Variants in SVEP1 observed in about 807,000 individuals in gnomAD.
SVEP1 encodes the protein sushi, von Willebrand factor type A, EGF and pentraxin domain-containing protein 1.
A neutral mutation model predicts 367.3 loss-of-function variants in SVEP1; 164 were observed. The observed-to-expected ratio is 0.45, with a 90% CI of 0.39 to 0.51. The LOEUF (loss-of-function observed/expected upper bound fraction) is 0.51, where lower values mean the gene tolerates loss of function less well. Ranked by LOEUF, SVEP1 falls within the 20% of genes least tolerant of loss-of-function variation. The probability of loss-of-function intolerance (pLI) is 0.00; values close to 1 mark genes in which losing one functional copy is unlikely to be tolerated. For synonymous variants in SVEP1, 1,666 were observed against 1,611.6 expected, an observed-to-expected ratio of 1.03 and a Z score of -0.81; for missense variants, 4,117 against 4,425.3, an observed-to-expected ratio of 0.93 and a Z score of 1.98.
At chr9:110,478,927 CTT>C (rs113223424) in intron 13 of SVEP1, among the ~76,000 whole-genome samples, 2 of 103,804 alleles carry the variant, frequency 1.9e-5, no homozygotes, top group Non-Finnish European at 2.1e-5. Flanking sequence ...CTTTCTTCTT[CTT>C]TTTTTTTTTA....
At chr9:110,471,301 C>A in intron 16 of SVEP1, 63 bp downstream of exon 16, 1 of 1,336,458 alleles carries the variant, frequency 7.5e-7, no homozygotes, top group Admixed American at 2.0e-5. Context: ...TGTAAAATGG[C>A]TACACCCATC....
intron 1 of SVEP1, among the ~76,000 whole-genome samples, chr9:110,572,332 T>C (rs942348914): frequency 5.3e-5 from 8 of 152,240 alleles, no homozygotes; most frequent in Non-Finnish European, 1.0e-4. Flanking sequence ...TCCATGTGTC[T>C]AAGCATTCAC....
At chr9:110,377,161 C>T (rs568158906) in intron 45 of SVEP1, 110 bp downstream of exon 45, 3 of 929,308 alleles carry the variant, frequency 3.2e-6, no homozygotes, top group Admixed American at 2.3e-5. Context: ...CAAGGACTTA[C>T]AGCAAATGAA....
At chr9:110,545,170 A>G (rs1335518110) in intron 3 of SVEP1, among the ~76,000 whole-genome samples, 1 of 152,190 alleles carries the variant, frequency 6.6e-6, no homozygotes, top group East Asian at 1.9e-4. Flanking sequence ...CTTCCATTGA[A>G]TAGACCCTGA....
chr9:110,524,066 C>T (rs1330144085), intron 3 of SVEP1, among the ~76,000 whole-genome samples: 1 of 151,948 alleles, frequency 6.6e-6, no homozygotes, highest in Non-Finnish European at 1.5e-5. Context: ...TGAAACAGAC[C>T]AATTCATCAA....
intron 41 of SVEP1, among the ~76,000 whole-genome samples, 187 bp downstream of exon 41, chr9:110,389,337 A>T (rs1827587183): frequency 6.6e-6 from 1 of 152,178 alleles, no homozygotes; most frequent in Admixed American, 6.5e-5. Context: ...GTTAATCCCT[A>T]CTACAGTTTT....
At chr9:110,438,002 G>GT (rs1471874758) in intron 27 of SVEP1, among the ~76,000 whole-genome samples, 10 of 151,860 alleles carry the variant, frequency 6.6e-5, no homozygotes, top group African/African-American at 1.9e-4. Context: ...TTATTTAATA[G>GT]TTTTTTGTAT....
At chr9:110,437,466 GCTAC>G (rs1828447757) in intron 27 of SVEP1, among the ~76,000 whole-genome samples, 2 of 152,068 alleles carry the variant, frequency 1.3e-5, no homozygotes, top group African/African-American at 4.8e-5. Flanking sequence ...CTTTAGTGAT[GCTAC>G]CTGTTTCCTG....
At position 110,579,346 on chromosome 9, in the gene SVEP1, C is replaced by G. The variant is rs967084758; in HGVS notation, c.198G>C (p.Gln66His). The part of the protein sequence containing the change: ...AAGSRVERLG[Q>H]AFRRRVRLLR... ...GCAGCCGCACGCGTCGCCGGAACGCCTGGCCCAGCCGCTCCACTCTGCTCC... is the reference window on the plus strand; with the variant it reads ...GCAGCCGCACGCGTCGCCGGAACGCGTGGCCCAGCCGCTCCACTCTGCTCC... The change falls in exon 1 of 48, where the codon CAG becomes CAC. Residue 66 changes from glutamine to histidine, a missense_variant. Around this residue, in one of 4 missense-constraint regions of SVEP1, gnomAD observed 161 missense variants for 122.4 expected, o/e 1.32. Transcript: ENST00000374469. This position sits in a 1 kb window ranked among gnomAD's most constrained non-coding sequence, Gnocchi z 5.3. 5 of 1,554,146 alleles carry G rather than the reference C, an allele frequency of 3.2e-6. No individual in the cohort carries two copies. The Admixed American group carries it at 5.8e-5, about 18-fold the overall frequency.
At position 110,483,658 on chromosome 9, in the gene SVEP1, G is replaced by A. The variant is rs1314522016; in HGVS notation, c.1966C>T (p.Pro656Ser). The A allele has an allele frequency of 2.5e-6, 4 of 1,611,548 alleles. No individual in the cohort carries two copies. In the South Asian group the frequency reaches 3.3e-5, roughly 13 times the overall value. ...TTCTCCGAGACCTGGACGGGAGGTG[G>A]AGATCTGCACCAGTCTATGACAGGT... The part of the protein sequence containing the change: ...EPPVIDWCRS[P>S]PPVQVSEKVH... The change falls in exon 10 of 48, where the codon CCA (proline) becomes TCA (serine). Residue 656 changes from proline to serine, a missense_variant. Coordinates refer to ENST00000374469, the MANE Select transcript of SVEP1 (RefSeq NM_153366.4).
intron 39 of SVEP1, among the ~76,000 whole-genome samples, chr9:110,403,563 A>G (rs943380115): frequency 6.6e-6 from 1 of 151,926 alleles, no homozygotes; most frequent in Non-Finnish European, 1.5e-5. Context: ...TCGGCCTCCC[A>G]AAGTGCTGGG....
chr9:110,576,289 C>A (rs1830626451), intron 1 of SVEP1, among the ~76,000 whole-genome samples: 1 of 151,780 alleles, frequency 6.6e-6, no homozygotes, highest in African/African-American at 2.4e-5. Context: ...AAAACTGTGA[C>A]CCTGAAAAAT....
At chr9:110,381,182 G>C (rs1827429832) in intron 43 of SVEP1, among the ~76,000 whole-genome samples, 2 of 151,764 alleles carry the variant, frequency 1.3e-5, no homozygotes, top group South Asian at 2.1e-4. Context: ...TGTTTTGAAG[G>C]GCTTTTTGTG....
At chr9:110,486,598 C>T (rs1829280752) in intron 9 of SVEP1, among the ~76,000 whole-genome samples, 1 of 151,520 alleles carries the variant, frequency 6.6e-6, no homozygotes, top group Admixed American at 6.6e-5. Flanking sequence ...CTTCTCCTTC[C>T]TTCTTTCTCT....
intron 43 of SVEP1, among the ~76,000 whole-genome samples, chr9:110,385,245 T>C (rs1007505765): frequency 6.6e-6 from 1 of 152,126 alleles, no homozygotes; most frequent in African/African-American, 2.4e-5. Context: ...CCTCCCACAG[T>C]GCTGGGATTA....
intron 3 of SVEP1, among the ~76,000 whole-genome samples, chr9:110,528,260 G>C (rs1588093945): frequency 1.4e-5 from 2 of 147,604 alleles, no homozygotes; most frequent in Non-Finnish European, 3.0e-5. Flanking sequence ...ATTGTGAATT[G>C]TGCTATGATA....
At chr9:110,443,251 A>C (rs2118589199) in intron 27 of SVEP1, 1 of 277,612 alleles carries the variant, frequency 3.6e-6, no homozygotes, top group East Asian at 6.4e-5. Context: ...AAAAAATACC[A>C]GTAATTAATC....
rs116857541 is a variant in SVEP1 at position 110,544,346 on chromosome 9, T to A, written c.964+1769A>T. On this transcript the variant is annotated intron_variant, in intron 3 of 47. Transcript: ENST00000374469. ...TTTTCCTTGTGGGTGTTAATTTCCATGGGGATACAGTTTTCCAAAACAGCT... is the reference window on the plus strand; with the variant it reads ...TTTTCCTTGTGGGTGTTAATTTCCAAGGGGATACAGTTTTCCAAAACAGCT... Among the ~76,000 whole-genome samples, 16 of 152,144 alleles carry A rather than the reference T, an allele frequency of 1.1e-4. No individual in the cohort carries two copies. In the East Asian group the frequency reaches 3.1e-3, roughly 29 times the overall value.
At position 110,388,691 on chromosome 9, in the gene SVEP1, G is replaced by A. The variant is rs568399399; in HGVS notation, c.9886+833C>T. ...TTTAAAATGCTATTGATGCTGTGCC[G>A]GGCATGGTGGCTCATGCCTATAATC... On this transcript the variant is annotated intron_variant, in intron 41 of 47. Coordinates refer to ENST00000374469, the MANE Select transcript of SVEP1 (RefSeq NM_153366.4). Among the ~76,000 whole-genome samples the A allele has an allele frequency of 1.4e-4, 22 of 152,222 alleles. No homozygotes were observed. The South Asian group carries it at 1.5e-3, about 10-fold the overall frequency.
Sources: allele counts gnomAD v4.1 joint callset (sites outside exome capture counted in the v4.1 genomes callset), GRCh38; gene constraint gnomAD v4.1.1; regional missense constraint gnomAD v4.1.1; non-coding constraint Gnocchi (gnomAD v3.1); transcripts MANE v1.5; gene names NCBI Gene and HGNC (gene_info 2026-07-23, HGNC 2026-07-21).